Variants in ZFHX3 observed in about 807,000 individuals in gnomAD.
ZFHX3 encodes the protein zinc finger homeobox 3, also known as zinc finger homeobox protein 3.
A neutral mutation model predicts 279.1 loss-of-function variants in ZFHX3; 42 were observed. The ratio of observed to expected loss-of-function variants is 0.15; its 90% confidence interval spans 0.12 to 0.19. The LOEUF (loss-of-function observed/expected upper bound fraction) is 0.19. Among genes scored for constraint, ZFHX3 ranks in the 10% least tolerant of loss-of-function variants. ZFHX3 has a pLI of 1.00. For synonymous variants in ZFHX3, 2,293 were observed against 1,957.8 expected, an observed-to-expected ratio of 1.17 and a Z score of -4.52; for missense variants, 4,981 against 4,754.0, an observed-to-expected ratio of 1.05 and a Z score of -1.40.
At chr16:73,755,334 G>T (rs1383908662) in intron 1 of ZFHX3, among the ~76,000 whole-genome samples, 1 of 151,768 alleles carries the variant, frequency 6.6e-6, no homozygotes, top group East Asian at 1.9e-4. Flanking sequence ...GTAGAAAGAA[G>T]AAAAAAAAGA....
chr16:73,673,170 C>A (rs760254188), intron 2 of ZFHX3, among the ~76,000 whole-genome samples: 18 of 152,078 alleles, frequency 1.2e-4, no homozygotes. Flanking sequence ...ACAGTGAACA[C>A]ACAGTATTCA....
chr16:72,914,980 G>A (rs761397623), intron 3 of ZFHX3, among the ~76,000 whole-genome samples: 1 of 152,142 alleles, frequency 6.6e-6, no homozygotes, highest in Non-Finnish European at 1.5e-5. Flanking sequence ...GACAGAGTGA[G>A]ACTCCATCTA....
chr16:73,396,232 G>A (rs1490690295), intron 3 of ZFHX3, among the ~76,000 whole-genome samples: 4 of 152,158 alleles, frequency 2.6e-5, no homozygotes, highest in African/African-American at 9.7e-5. Flanking sequence ...GCGGAGGAGA[G>A]GACAGAGAAT....
intron 1 of ZFHX3, chr16:73,015,494 T>C (rs950011016): frequency 6.6e-6 from 1 of 152,234 alleles, no homozygotes; most frequent in African/African-American, 2.4e-5. Context: ...GACAAAGAGT[T>C]TGTGTGTGCT....
chr16:73,857,915 T>C (rs547511384), intron 1 of ZFHX3, among the ~76,000 whole-genome samples: 1 of 152,212 alleles, frequency 6.6e-6, no homozygotes, highest in South Asian at 2.1e-4. Flanking sequence ...GAGACCAGCC[T>C]GGCCAACATG....
At chr16:72,929,762 A>C (rs1353789375) in intron 3 of ZFHX3, among the ~76,000 whole-genome samples, 1 of 152,198 alleles carries the variant, frequency 6.6e-6, no homozygotes, top group East Asian at 1.9e-4. Context: ...GTGCACTGGG[A>C]GCAGAAAATG....
chr16:72,950,969 C>G lies in ZFHX3; in HGVS notation c.2720-4G>C. On this transcript the variant is annotated splice_polypyrimidine_tract_variant and splice_region_variant and intron_variant, in intron 2 of 9. Transcript: ENST00000268489. ...TCTAGGGGGATCTCACCGCCCACTG[C>G]AGGGAAGGAGAGAAGGAGAGAGTCA... is the stretch of plus-strand genomic sequence containing the variant. The G allele has an allele frequency of 1.2e-6, 2 of 1,608,612 alleles. No homozygotes were observed. The highest frequency in any genetic ancestry group is 1.7e-6 in the Non-Finnish European group (2 of 1,175,982).
rs118053548 is a variant in ZFHX3, at chr16:73,127,524, T to A, written c.-897+3444A>T. The A allele has an allele frequency of 5.9e-3, 7,667 of 1,305,474 alleles. 31 individuals carry two copies. The highest frequency in any genetic ancestry group is 7.1e-3 in the Non-Finnish European group (7,000 of 988,982). 80.9% of individuals were successfully genotyped at this position (1,305,474 alleles called of 1,614,324 possible). On this transcript the variant is annotated intron_variant, in intron 7 of 17. Coordinates refer to the ZFHX3 transcript ENST00000641206. ...ATGGATGGGGGAAGAAGAGAGCCCC[T>A]GAATGCAGAGATGGGAGGCTTTGGG...
intron 1 of ZFHX3, among the ~76,000 whole-genome samples, chr16:73,856,490 T>C (rs1488785811): frequency 1.3e-5 from 2 of 152,212 alleles, no homozygotes; most frequent in Non-Finnish European, 2.9e-5. Context: ...ATGAGATTAA[T>C]GGATATCCTC....
At chr16:73,569,415 TA>T (rs1380013372) in intron 2 of ZFHX3, among the ~76,000 whole-genome samples, 1 of 151,294 alleles carries the variant, frequency 6.6e-6, no homozygotes, top group East Asian at 1.9e-4. Flanking sequence ...TCCCCTGCCC[TA>T]AAAACTCCGA....
Position 72,788,938 on chromosome 16 carries a change from G to GT in ZFHX3, c.9428-91dup, listed in dbSNP as rs2035584170. 9.4e-6 allele frequency: 14 copies of GT among 1,482,040 alleles called. No individual in the cohort carries two copies. In the South Asian group the frequency reaches 2.1e-4, roughly 22 times the overall value. The allele number at this position is 1,482,040 out of a possible 1,614,324, so 91.8% of individuals were successfully genotyped here. A position where few individuals can be genotyped will look rare whatever the true frequency, so the allele number is the denominator to read the frequency against. On this transcript the variant is annotated intron_variant, in intron 9 of 9. Transcript: ENST00000268489. ...GTTTTACCGGTGTCACTGGCACACA[G>GT]TTTGAGATGTCAAGGCTTGAAGGAT...
chr16:73,095,058 G>A (rs568283854), intron 7 of ZFHX3, among the ~76,000 whole-genome samples: 1 of 152,074 alleles, frequency 6.6e-6, no homozygotes, highest in East Asian at 1.9e-4. Flanking sequence ...TAAAAATCCT[G>A]AAAACCAGCT....
intron 2 of ZFHX3, among the ~76,000 whole-genome samples, chr16:73,540,951 G>T (rs1053114533): frequency 6.6e-6 from 1 of 152,068 alleles, no homozygotes; most frequent in African/African-American, 2.4e-5. Context: ...AAAATGAGAT[G>T]CTCTTTTAGA....
intron 1 of ZFHX3, among the ~76,000 whole-genome samples, chr16:72,989,018 A>G (rs185831250): frequency 6.6e-6 from 1 of 152,042 alleles, no homozygotes; most frequent in East Asian, 1.9e-4. Flanking sequence ...TCTACAAAAA[A>G]TACAAATATT....
chr16:73,248,645 A>ATGTGTGTGTGTGTG (rs145260850), intron 5 of ZFHX3, among the ~76,000 whole-genome samples: 13,865 of 148,984 alleles, frequency 0.093, 903 homozygotes, highest in East Asian at 0.37. Flanking sequence ...TGGAGAATGT[A>ATGTGTGTGTGTGTG]TGTGTGTGTG....
chr16:73,716,676 C>A (rs1029922474), intron 1 of ZFHX3, among the ~76,000 whole-genome samples: 6 of 151,692 alleles, frequency 4.0e-5, no homozygotes, highest in African/African-American at 1.5e-4. Flanking sequence ...CAGACCTAAC[C>A]GCCCTCCTGT....
At chr16:73,171,026 C>T (rs1443980289) in intron 5 of ZFHX3, among the ~76,000 whole-genome samples, 1 of 152,094 alleles carries the variant, frequency 6.6e-6, no homozygotes, top group Non-Finnish European at 1.5e-5. Flanking sequence ...CTGTTATGAA[C>T]TAATTAAAAT....
chr16:73,830,917 C>T (rs985081700), intron 1 of ZFHX3, among the ~76,000 whole-genome samples: 1 of 152,214 alleles, frequency 6.6e-6, no homozygotes, highest in East Asian at 1.9e-4. Flanking sequence ...GCAAACTGTG[C>T]TCACTGTTCC....
intron 3 of ZFHX3, among the ~76,000 whole-genome samples, chr16:73,382,561 G>C (rs375698636): frequency 1.3e-5 from 2 of 152,044 alleles, no homozygotes; most frequent in East Asian, 1.9e-4. Flanking sequence ...AATGGATTGT[G>C]GGGGGGCAGG....
Sources: gnomAD v4.1 joint callset for allele counts (sites outside exome capture counted in the v4.1 genomes callset) on GRCh38, gnomAD v4.1.1 for gene constraint, MANE v1.5 for transcripts, NCBI Gene and HGNC (gene_info 2026-07-23, HGNC 2026-07-21) for gene names.